Variants in MARCHF10 observed in about 807,000 individuals in gnomAD.
The protein encoded by MARCHF10 is probable E3 ubiquitin-protein ligase MARCHF10.
In MARCHF10, 64 loss-of-function variants were observed where a neutral mutation model predicts 76.2. The ratio of observed to expected loss-of-function variants is 0.84; its 90% CI spans 0.69 to 1.03. MARCHF10 has a LOEUF of 1.03. Ranked by LOEUF, MARCHF10 falls within the 50% of genes least tolerant of loss-of-function variation. The pLI, the probability that MARCHF10 is intolerant of heterozygous loss-of-function variation, is 0.00. For synonymous variants in MARCHF10, 340 were observed against 357.5 expected, an observed-to-expected ratio of 0.95 and a Z score of 0.55; for missense variants, 875 against 958.0, an observed-to-expected ratio of 0.91 and a Z score of 1.14.
chr17:62,785,758 C>T (rs1001432166), intron 3 of MARCHF10, among the ~76,000 whole-genome samples: 1 of 152,168 alleles, frequency 6.6e-6, no homozygotes, highest in African/African-American at 2.4e-5. Context: ...TCTATGCAGC[C>T]AACAGACACA....
chr17:62,762,681 G>T (rs967787313), intron 3 of MARCHF10, among the ~76,000 whole-genome samples: 1 of 152,114 alleles, frequency 6.6e-6, no homozygotes, highest in African/African-American at 2.4e-5. Flanking sequence ...TGAGTAGCTG[G>T]GACTACAGGC....
At chr17:62,719,866 T>TTTTGTTTTTTG (rs1281293515) in intron 8 of MARCHF10, among the ~76,000 whole-genome samples, 1 of 152,250 alleles carries the variant, frequency 6.6e-6, no homozygotes, top group African/African-American at 2.4e-5. Flanking sequence ...CTTTTCTTTT[T>TTTTGTTTTTTG]TTCCAATCTT....
intron 8 of MARCHF10, among the ~76,000 whole-genome samples, chr17:62,715,109 G>A (rs1422314640): frequency 3.9e-5 from 6 of 152,154 alleles, no homozygotes; most frequent in African/African-American, 1.4e-4. Flanking sequence ...GCCCAAGAAT[G>A]TGTACTTCTA....
intron 3 of MARCHF10, among the ~76,000 whole-genome samples, chr17:62,770,542 AC>A: frequency 9.8e-6 from 1 of 102,498 alleles, no homozygotes; most frequent in Admixed American, 1.1e-4. Context: ...TTGTATTTTG[AC>A]TTTTTTTTTT....
chr17:62,705,630 T>A, intron 9 of MARCHF10, 49 bp from the exon 10 acceptor site: 1 of 1,606,742 alleles, frequency 6.2e-7, no homozygotes, highest in Non-Finnish European at 8.5e-7. Flanking sequence ...CCAATACGAT[T>A]GTGAACAGAT....
At chr17:62,766,219 G>C (rs1306609588) in intron 3 of MARCHF10, among the ~76,000 whole-genome samples, 3 of 151,220 alleles carry the variant, frequency 2.0e-5, no homozygotes, top group African/African-American at 7.3e-5. Flanking sequence ...AAATAATTGG[G>C]GCCGGACGCG....
chr17:62,790,798 A>G (rs1048869461), intron 2 of MARCHF10, among the ~76,000 whole-genome samples: 1 of 152,104 alleles, frequency 6.6e-6, no homozygotes, highest in African/African-American at 2.4e-5. Context: ...CTAACAAAAC[A>G]TTTACTCCTT....
At chr17:62,734,724 T>C (rs1003340920) in intron 6 of MARCHF10, among the ~76,000 whole-genome samples, 1 of 152,162 alleles carries the variant, frequency 6.6e-6, no homozygotes, top group African/African-American at 2.4e-5. Flanking sequence ...TTTGAAATAA[T>C]AAGAAAAGCA....
chr17:62,782,478 G>T (rs2092676468), intron 3 of MARCHF10, among the ~76,000 whole-genome samples: 1 of 150,666 alleles, frequency 6.6e-6, no homozygotes, highest in Non-Finnish European at 1.5e-5. Context: ...CTCCCAAGTA[G>T]CTGGGACTAC....
intron 2 of MARCHF10, among the ~76,000 whole-genome samples, chr17:62,799,104 A>T (rs1222525290): frequency 6.6e-6 from 1 of 152,156 alleles, no homozygotes; most frequent in African/African-American, 2.4e-5. Context: ...AAGGTTTAAA[A>T]TCGTGATGAT....
At chr17:62,717,127 C>T (rs1001131105) in intron 8 of MARCHF10, among the ~76,000 whole-genome samples, 4 of 152,248 alleles carry the variant, frequency 2.6e-5, no homozygotes, top group African/African-American at 7.2e-5. Context: ...TTATCTATGG[C>T]GAGCTTCAGA....
chr17:62,702,429 C>CG (rs568417334), intron 10 of MARCHF10, among the ~76,000 whole-genome samples: 4 of 130,488 alleles, frequency 3.1e-5, no homozygotes, highest in South Asian at 5.0e-4. Flanking sequence ...GGGCGGGGGG[C>CG]GGGGGGCGGC....
At chr17:62,733,462 A>G (rs188551521) in intron 6 of MARCHF10, among the ~76,000 whole-genome samples, 130 of 151,900 alleles carry the variant, frequency 8.6e-4, no homozygotes, top group African/African-American at 3.1e-3. Flanking sequence ...GCCAATCAAT[A>G]CGAATGTTGT....
chr17:62,736,601 C>T lies in MARCHF10; in HGVS notation c.1267G>A (p.Asp423Asn), dbSNP rs201710979. 2.2e-4 allele frequency: 351 copies of T among 1,614,070 alleles called. No homozygotes were observed. Among genetic ancestry groups the T allele is most frequent in the Non-Finnish European group, 2.8e-4 (325 of 1,180,024 alleles). The part of the protein sequence containing the change: ...VGVNAENVWS[D>N]CISVEHRPGT... Reference sequence around the variant, plus strand: ...GGCCTATGTTCCACAGAAATACAATCACTCCATACATTTTCAGCATTGACA... The same window carrying T: ...GGCCTATGTTCCACAGAAATACAATTACTCCATACATTTTCAGCATTGACA... The change falls in exon 6 of 11, where the codon GAT (aspartate) becomes AAT (asparagine). Residue 423 changes from aspartate to asparagine, a missense_variant. Transcript: ENST00000311269.
Position 62,801,834 on chromosome 17 carries a change from CT to C in MARCHF10, c.-17-83del, listed in dbSNP as rs549502811. On this transcript the variant is annotated intron_variant, in intron 1 of 10. Transcript: ENST00000311269. ...ATTTGGATTTATTTTCATCTAATTG[CT>C]TTTATTTGTGTATTCATCTAATTTC... The C allele has an allele frequency of 5.6e-4, 574 of 1,030,596 alleles. 3 individuals are homozygous for C. The African/African-American group carries it at 6.2e-3, about 11-fold the overall frequency. The allele number at this position is 1,030,596 out of a possible 1,614,324, so 63.8% of individuals were successfully genotyped here. A position where few individuals can be genotyped will look rare whatever the true frequency, so the allele number is the denominator to read the frequency against.
intron 8 of MARCHF10, among the ~76,000 whole-genome samples, chr17:62,719,301 T>C (rs986443425): frequency 6.6e-6 from 1 of 152,232 alleles, no homozygotes; most frequent in African/African-American, 2.4e-5. Context: ...CATTTCTGTA[T>C]GTAATTTTTA....
At chr17:62,749,126 T>G (rs1321172789) in intron 4 of MARCHF10, among the ~76,000 whole-genome samples, 2 of 152,200 alleles carry the variant, frequency 1.3e-5, no homozygotes, top group Non-Finnish European at 2.9e-5. Flanking sequence ...CTGTTTAGAT[T>G]AAAGGCATCT....
rs2091265898 is a variant in MARCHF10 at position 62,736,414 on chromosome 17, A to G, written c.1454T>C (p.Ile485Thr). ...SFMHSALRDD[I>T]PVDLSMSSTS... is the part of the protein sequence containing the mutation. ...CGATGACATTGACAAGTCTACTGGA[A>G]TATCATCTCTCAGAGCAGAATGCAT... Residue 485 changes from isoleucine (I) to threonine (T), a missense_variant, in exon 6 of 11, where the codon ATT becomes ACT. Ile to Thr is a moderately conservative substitution (Grantham distance 89). Transcript: ENST00000311269. The G allele has an allele frequency of 3.7e-6, 6 of 1,614,064 alleles. No homozygotes were observed. In the East Asian group the frequency reaches 6.7e-5, roughly 18 times the overall value.
chr17:62,807,379 G>A (rs2093178800), intron 1 of MARCHF10, among the ~76,000 whole-genome samples: 1 of 152,022 alleles, frequency 6.6e-6, no homozygotes, highest in Non-Finnish European at 1.5e-5. Context: ...CGGGGTGGAG[G>A]GTGGGGAACA....
Sources: allele counts gnomAD v4.1 joint callset (sites outside exome capture counted in the v4.1 genomes callset), GRCh38; gene constraint gnomAD v4.1.1; transcripts MANE v1.5; gene names NCBI Gene and HGNC (gene_info 2026-07-23, HGNC 2026-07-21).